Variants in LARGE1 observed in about 807,000 individuals in gnomAD.
The protein encoded by LARGE1 is LARGE xylosyl- and glucuronyltransferase 1.
Under a neutral mutation model 87.6 loss-of-function variants are expected in LARGE1, and 43 were observed. The ratio of observed to expected loss-of-function variants is 0.49; its 90% CI spans 0.38 to 0.63. The LOEUF (loss-of-function observed/expected upper bound fraction) is 0.63, where lower values mean the gene tolerates loss of function less well. Among genes scored for constraint, LARGE1 ranks in the 30% least tolerant of loss-of-function variants. The probability of loss-of-function intolerance (pLI) is 0.00; values close to 1 mark genes in which losing one functional copy is unlikely to be tolerated. For synonymous variants in LARGE1, 434 were observed against 394.6 expected, an observed-to-expected ratio of 1.10 and a Z score of -1.18; for missense variants, 802 against 1,000.2, an observed-to-expected ratio of 0.80 and a Z score of 2.67.
chr22:33,542,162 C>CAAAAAAAAA (rs150998193), intron 6 of LARGE1, among the ~76,000 whole-genome samples: 8 of 92,590 alleles, frequency 8.6e-5, no homozygotes, highest in Admixed American at 1.3e-4. Context: ...AACTCTGTCT[C>CAAAAAAAAA]AAAAAAAAAA....
chr22:33,917,586 C>T (rs1459178743), intron 1 of LARGE1, among the ~76,000 whole-genome samples: 2 of 152,118 alleles, frequency 1.3e-5, no homozygotes, highest in Admixed American at 6.5e-5. Context: ...CAGTCAAAAA[C>T]CAAACACCAA....
intron 11 of LARGE1, among the ~76,000 whole-genome samples, chr22:33,231,650 T>C (rs1216786259): frequency 6.6e-6 from 1 of 152,198 alleles, no homozygotes; most frequent in African/African-American, 2.4e-5. Flanking sequence ...TTTCCAATTT[T>C]CTATAATTCT....
chr22:33,851,698 G>C (rs759519408), intron 1 of LARGE1, among the ~76,000 whole-genome samples: 3 of 152,240 alleles, frequency 2.0e-5, no homozygotes, highest in Non-Finnish European at 4.4e-5. Flanking sequence ...GTCAGGAGGA[G>C]CTCATTATAC....
chr22:33,153,451 C>A, the LARGE1 span, among the ~76,000 whole-genome samples: 1 of 152,158 alleles, frequency 6.6e-6, no homozygotes, highest in Non-Finnish European at 1.5e-5. Context: ...GATTATATTT[C>A]TGAAGAGTTT....
At chr22:33,180,730 T>C (rs955639293) in intron 11 of LARGE1, among the ~76,000 whole-genome samples, 5 of 152,266 alleles carry the variant, frequency 3.3e-5, no homozygotes, top group African/African-American at 1.2e-4. Context: ...CAACAGAATG[T>C]TATTTGGCAA....
chr22:33,689,116 G>A (rs545064119), intron 2 of LARGE1, among the ~76,000 whole-genome samples: 11 of 151,440 alleles, frequency 7.3e-5, no homozygotes, highest in African/African-American at 2.2e-4. Context: ...TTAGAAATGC[G>A]TGCTACTGCA....
chr22:33,822,208 T>C (rs1454087481), intron 1 of LARGE1, among the ~76,000 whole-genome samples: 1 of 152,184 alleles, frequency 6.6e-6, no homozygotes, highest in Non-Finnish European at 1.5e-5. Flanking sequence ...CAATCAGCCC[T>C]ACCCTATGCC....
chr22:33,230,198 G>C, intron 11 of LARGE1, among the ~76,000 whole-genome samples: 1 of 151,758 alleles, frequency 6.6e-6, no homozygotes, highest in Admixed American at 6.6e-5. Context: ...TTTTTTAGTA[G>C]AGATGGAGTT....
rs1049357209 is a variant in LARGE1 at position 33,726,772 on chromosome 22, A to T, written c.106+34599T>A. On this transcript the variant is annotated intron_variant, in intron 2 of 14. Transcript: ENST00000397394. Reference sequence around the variant, plus strand: ...TGCACAGATGGGGCACTACACTGGGACTCCAGCTAACTTTATAAGCAGCAG... The same window carrying T: ...TGCACAGATGGGGCACTACACTGGGTCTCCAGCTAACTTTATAAGCAGCAG... Among the ~76,000 whole-genome samples, 3 of 152,148 alleles carry T rather than the reference A, an allele frequency of 2.0e-5. No homozygotes were observed. In the South Asian group the frequency reaches 6.2e-4, roughly 32 times the overall value.
intron 6 of LARGE1, among the ~76,000 whole-genome samples, chr22:33,489,139 G>A (rs76936521): frequency 0.013 from 1,905 of 152,316 alleles, 49 homozygotes; most frequent in African/African-American, 0.043. Flanking sequence ...TGCAAAGTCA[G>A]ATGCCTATCC....
intron 5 of LARGE1, among the ~76,000 whole-genome samples, chr22:33,574,242 G>A (rs1368373219): frequency 6.6e-6 from 1 of 152,050 alleles, no homozygotes; most frequent in Non-Finnish European, 1.5e-5. Flanking sequence ...GACCCCTTTT[G>A]GAGATCAAAA....
At chr22:33,568,684 T>A (rs1274479053) in intron 5 of LARGE1, among the ~76,000 whole-genome samples, 1 of 144,372 alleles carries the variant, frequency 6.9e-6, no homozygotes, top group Non-Finnish European at 1.5e-5. Flanking sequence ...GAGAATCACT[T>A]GAACCTAGGA....
intron 1 of LARGE1, among the ~76,000 whole-genome samples, chr22:33,792,513 C>T (rs1333146900): frequency 4.6e-5 from 7 of 152,096 alleles, no homozygotes; most frequent in African/African-American, 1.7e-4. Context: ...TTATTAGCAG[C>T]ATGAGAATGA....
chr22:33,721,978 G>A (rs918408155), intron 2 of LARGE1, among the ~76,000 whole-genome samples: 12 of 152,188 alleles, frequency 7.9e-5, no homozygotes, highest in African/African-American at 2.9e-4. Flanking sequence ...TTGGCTGAGC[G>A]CAGTGGCTCA....
At chr22:33,313,876 C>T (rs142787950) in intron 11 of LARGE1, among the ~76,000 whole-genome samples, 8 of 152,310 alleles carry the variant, frequency 5.3e-5, no homozygotes, top group African/African-American at 1.9e-4. Flanking sequence ...CCATAGTGGC[C>T]ACAAGGTAAC....
chr22:33,702,229 G>A (rs529832550), intron 2 of LARGE1, among the ~76,000 whole-genome samples: 15 of 152,320 alleles, frequency 9.8e-5, no homozygotes, highest in African/African-American at 3.6e-4. Context: ...ACACATAGTA[G>A]GCATTCAATA....
In LARGE1 at chr22:33,316,172, C is replaced by A; in HGVS notation, c.1364G>T (p.Arg455Leu). The change falls in exon 11 of 15, where the codon CGC becomes CTC. Residue 455 changes from arginine to leucine, a missense_variant. Physicochemically the swap from Arg to Leu is moderately radical, Grantham distance 102. Around this residue, in one of 2 missense-constraint regions of LARGE1, gnomAD observed 625 missense variants for 841.9 expected, o/e 0.74. Coordinates refer to ENST00000397394, the MANE Select transcript of LARGE1 (RefSeq NM_133642.5). ...GTAGTGCAGGAAGTACAGGTGGGTG[C>A]GGTGGACAGTGAAGCGCTCTCGCCG... is the stretch of plus-strand genomic sequence containing the variant. Reference protein sequence around the residue: ...EFRRERFTVHRTHLYFLHYEY... With the variant: ...EFRRERFTVHLTHLYFLHYEY... 1 of 1,614,018 alleles carries A rather than the reference C, an allele frequency of 6.2e-7. No homozygotes were observed. The highest frequency in any genetic ancestry group is 8.5e-7 in the Non-Finnish European group (1 of 1,179,972).
intron 1 of LARGE1, among the ~76,000 whole-genome samples, chr22:33,856,290 G>A (rs902678077): frequency 6.6e-6 from 1 of 152,192 alleles, no homozygotes; most frequent in Non-Finnish European, 1.5e-5. Context: ...CCTCTCCATG[G>A]AAGAGGGTCA....
chr22:33,127,681 G>A, the LARGE1 span, among the ~76,000 whole-genome samples: 1 of 152,184 alleles, frequency 6.6e-6, no homozygotes, highest in African/African-American at 2.4e-5. Context: ...AGGGGTAAGA[G>A]ATCAAGGGAC....
Sources: gnomAD v4.1 joint callset for allele counts (sites outside exome capture counted in the v4.1 genomes callset) on GRCh38, gnomAD v4.1.1 for gene constraint, gnomAD v4.1.1 regional missense constraint, MANE v1.5 for transcripts, NCBI Gene and HGNC (gene_info 2026-07-23, HGNC 2026-07-21) for gene names.